The following TRDMT1 variants were observed in gnomAD, a reference collection of about 807,000 sequenced individuals.
TRDMT1 encodes tRNA (cytosine(38)-C(5))-methyltransferase.
In TRDMT1, 49 loss-of-function variants were observed where a neutral mutation model predicts 51.2. The ratio of observed to expected loss-of-function variants is 0.96; its 90% CI spans 0.76 to 1.21. The LOEUF (loss-of-function observed/expected upper bound fraction) is 1.21, where lower values mean the gene tolerates loss of function less well. TRDMT1 is among the 50% of genes most tolerant of loss of function. The pLI, the probability that TRDMT1 is intolerant of heterozygous loss-of-function variation, is 0.00. For missense variants in TRDMT1, 534 were observed against 462.3 expected (o/e 1.16, Z -1.42); for synonymous variants, 187 against 164.6 (o/e 1.14, Z -1.04).
intron 8 of TRDMT1, among the ~76,000 whole-genome samples, chr10:17,155,149 G>C (rs1839325079): frequency 6.6e-6 from 1 of 152,080 alleles, no homozygotes; most frequent in Non-Finnish European, 1.5e-5. Context: ...GGGAGGCGGA[G>C]GTTGCAGTGA....
At position 17,153,552 on chromosome 10, in the gene TRDMT1, T is replaced by C; in HGVS notation, c.1030A>G (p.Thr344Ala). The C allele has an allele frequency of 6.2e-7, 1 of 1,613,794 alleles. No individual in the cohort carries two copies. Among genetic ancestry groups the C allele is most frequent in the Non-Finnish European group, 8.5e-7 (1 of 1,179,860 alleles). ...AGGAGATTTGCTATTTCTTTAGGAG[T>C]GAAATATCGCAGTTTAAGTATTAAC... ...KLLILKLRYF[T>A]PKEIANLLGF... Residue 344 changes from threonine to alanine, a missense_variant, in exon 10 of 11, where the codon ACT (threonine) becomes GCT (alanine). Thr to Ala is a moderately conservative substitution (Grantham distance 58). Transcript: ENST00000377799.
intron 4 of TRDMT1, 50 bp downstream of exon 4, chr10:17,162,116 C>T (rs767130873): frequency 1.3e-6 from 2 of 1,491,616 alleles, no homozygotes; most frequent in East Asian, 4.5e-5. Flanking sequence ...TTCTTCCAGA[C>T]CTGGAGTTTC....
At chr10:17,170,987 T>C (rs994152457) in intron 2 of TRDMT1, among the ~76,000 whole-genome samples, 6 of 149,406 alleles carry the variant, frequency 4.0e-5, no homozygotes, top group Admixed American at 1.4e-4. Context: ...TCTGTGTAAG[T>C]ACATTAGCTA....
chr10:17,168,830 A>G lies in TRDMT1; in HGVS notation c.251+11T>C, dbSNP rs563019570. ...GGACCAATACAACACTGAAATATTT[A>G]TGACACATACCTTGTGAATGGCTGG... On this transcript the variant is annotated intron_variant, in intron 3 of 10. Transcript: ENST00000377799. The G allele has an allele frequency of 6.3e-6, 10 of 1,590,128 alleles. No individual in the cohort carries two copies. The South Asian group carries it at 1.1e-4, about 18-fold the overall frequency.
chr10:17,140,114 C>T lies in TRDMT1; in HGVS notation c.*8926G>A, dbSNP rs957670372. Reference sequence around the variant, plus strand: ...AGGCTGGAATGATGCAATGGCACGACCTCGGCTCACTGCAACCTCCGCCTC... The same window carrying T: ...AGGCTGGAATGATGCAATGGCACGATCTCGGCTCACTGCAACCTCCGCCTC... On this transcript the variant is annotated 3_prime_UTR_variant, in exon 11 of 11. Transcript: ENST00000377799. Among the ~76,000 whole-genome samples, 1 of 140,314 alleles carries T rather than the reference C, an allele frequency of 7.1e-6. No individual in the cohort carries two copies. The highest frequency in any genetic ancestry group is 1.5e-5 in the Non-Finnish European group (1 of 66,248). 92.1% of individuals were successfully genotyped at this position (140,314 alleles called of 152,430 possible). A position where few individuals can be genotyped will look rare whatever the true frequency, so the allele number is the denominator to read the frequency against.
chr10:17,165,264 T>C (rs1245446140), intron 3 of TRDMT1, among the ~76,000 whole-genome samples: 1 of 152,158 alleles, frequency 6.6e-6, no homozygotes, highest in Non-Finnish European at 1.5e-5. Context: ...AAACAAGAAA[T>C]GGGGAAAGGA....
Position 17,138,746 on chromosome 10 carries a change from T to C in TRDMT1, c.*10294A>G, listed in dbSNP as rs1047342096. On this transcript the variant is annotated 3_prime_UTR_variant, in exon 11 of 11. Transcript: ENST00000377799. The stretch of plus-strand genomic sequence containing the variant: ...GATTGTTGAGAGTTTGGAGAACTTT[T>C]CCACTTTTTTCAAGTTTTTTTTTTT... 6.6e-6 allele frequency among the ~76,000 whole-genome samples: 1 copy of C among 152,134 alleles called. No individual in the cohort carries two copies. Among genetic ancestry groups the C allele is most frequent in the Admixed American group, 6.5e-5 (1 of 15,276 alleles).
At chr10:17,188,529 C>CA (rs1844247493) in intron 1 of TRDMT1, among the ~76,000 whole-genome samples, 3 of 152,322 alleles carry the variant, frequency 2.0e-5, no homozygotes, top group African/African-American at 7.2e-5. Context: ...CAGAGCTTCA[C>CA]ACAAGGAGAA....
chr10:17,169,292 A>T, intron 2 of TRDMT1: 1 of 1,164,096 alleles, frequency 8.6e-7, no homozygotes, highest in Non-Finnish European at 1.1e-6. Flanking sequence ...GGGGTCTAGG[A>T]AATTTTTAAA....
At position 17,142,437 on chromosome 10, in the gene TRDMT1, T is replaced by C. The variant is rs1301669109; in HGVS notation, c.*6603A>G. 6.6e-6 allele frequency: 1 copy of C among 152,192 alleles called. No individual in the cohort carries two copies. The highest frequency in any genetic ancestry group is 2.4e-5 in the African/African-American group (1 of 41,422). The allele number at this position is 152,192 out of a possible 1,614,324, so 9.4% of individuals were successfully genotyped here. On this transcript the variant is annotated 3_prime_UTR_variant, in exon 11 of 11. Transcript: ENST00000377799. ...CCCGAATGGTCCTTCATGATGCTAC[T>C]TTAGGGAAAGAAGGATTTTCTCCCA...
At chr10:17,152,050 T>C in intron 10 of TRDMT1, 1 of 1,301,904 alleles carries the variant, frequency 7.7e-7, no homozygotes, top group Non-Finnish European at 1.0e-6. Flanking sequence ...TTCATTTTAA[T>C]TGAATAGTTA....
At chr10:17,154,858 T>C (rs1233251682) in intron 8 of TRDMT1, 124 bp from the exon 9 acceptor site, 39 of 773,206 alleles carry the variant, frequency 5.0e-5, no homozygotes, top group Non-Finnish European at 5.8e-6. Context: ...TCTTGAATAA[T>C]GTCACATAAA....
intron 1 of TRDMT1, among the ~76,000 whole-genome samples, chr10:17,200,041 C>G (rs1564357943): frequency 6.6e-6 from 1 of 152,176 alleles, no homozygotes; most frequent in Admixed American, 6.5e-5. Context: ...AAGCAATTTG[C>G]TATCCTCTCT....
At chr10:17,190,100 G>A (rs1332812419) in intron 1 of TRDMT1, among the ~76,000 whole-genome samples, 2 of 152,250 alleles carry the variant, frequency 1.3e-5, no homozygotes, top group African/African-American at 2.4e-5. Flanking sequence ...TGGTCCAGGC[G>A]AAGTAACGGT....
Position 17,147,067 on chromosome 10 carries a change from A to C in TRDMT1, c.*1973T>G, listed in dbSNP as rs572555280. ...CAAGTATTTATAGTTGGTGCACAGT[A>C]ACTCGACACTTATTTTGTATAATGT... On this transcript the variant is annotated 3_prime_UTR_variant, in exon 11 of 11. Coordinates refer to ENST00000377799, the MANE Select transcript of TRDMT1 (RefSeq NM_004412.7). 9 of 985,774 alleles carry C rather than the reference A, an allele frequency of 9.1e-6. No individual in the cohort carries two copies. In the East Asian group the frequency reaches 9.1e-4, roughly 99 times the overall value. The allele number at this position is 985,774 out of a possible 1,614,324, so 61.1% of individuals were successfully genotyped here.
At chr10:17,151,863 T>C (rs1001422259) in intron 10 of TRDMT1, 15 of 1,024,000 alleles carry the variant, frequency 1.5e-5, no homozygotes, top group Non-Finnish European at 1.8e-5. Context: ...GAAGCAGGAG[T>C]TATGATCATC....
At chr10:17,162,855 C>T (rs1840603945) in intron 3 of TRDMT1, among the ~76,000 whole-genome samples, 1 of 152,104 alleles carries the variant, frequency 6.6e-6, no homozygotes, top group South Asian at 2.1e-4. Flanking sequence ...TGACAAATGA[C>T]TTACATTAAT....
At position 17,146,780 on chromosome 10, in the gene TRDMT1, T is replaced by G. The variant is rs1473079327; in HGVS notation, c.*2260A>C. 3 of 985,428 alleles carry G rather than the reference T, an allele frequency of 3.0e-6. No homozygotes were observed. The highest frequency in any genetic ancestry group is 1.2e-6 in the Non-Finnish European group (1 of 829,920). 61.0% of individuals were successfully genotyped at this position (985,428 alleles called of 1,614,324 possible). A position where few individuals can be genotyped will look rare whatever the true frequency, so the allele number is the denominator to read the frequency against. On this transcript the variant is annotated 3_prime_UTR_variant, in exon 11 of 11. Coordinates refer to ENST00000377799, the MANE Select transcript of TRDMT1 (RefSeq NM_004412.7). ...CCAGTGCAAATTTTATATACAGCATTATTACCAAAAGCATATAGCAGACAT... is the reference window on the plus strand; with the variant it reads ...CCAGTGCAAATTTTATATACAGCATGATTACCAAAAGCATATAGCAGACAT...
At position 17,143,725 on chromosome 10, in the gene TRDMT1, G is replaced by C. The variant is rs1265020425; in HGVS notation, c.*5315C>G. On this transcript the variant is annotated 3_prime_UTR_variant, in exon 11 of 11. Coordinates refer to ENST00000377799, the MANE Select transcript of TRDMT1 (RefSeq NM_004412.7). ...TCCTAAAAATAAATGATCGTTCAGAGGCCTGCCTTAGGAAGGCCATTTTAA... is the reference window on the plus strand; with the variant it reads ...TCCTAAAAATAAATGATCGTTCAGACGCCTGCCTTAGGAAGGCCATTTTAA... 1 of 985,266 alleles carries C rather than the reference G, an allele frequency of 1.0e-6. No individual in the cohort carries two copies. Among genetic ancestry groups the C allele is most frequent in the Non-Finnish European group, 1.2e-6 (1 of 829,934 alleles). The allele number at this position is 985,266 out of a possible 1,614,324, so 61.0% of individuals were successfully genotyped here.
Sources: allele counts gnomAD v4.1 joint callset (sites outside exome capture counted in the v4.1 genomes callset), GRCh38; gene constraint gnomAD v4.1.1; transcripts MANE v1.5; gene names NCBI Gene and HGNC (gene_info 2026-07-23, HGNC 2026-07-21).